HIVEP3: variants seen among roughly 807,000 people sequenced by gnomAD.
HIVEP3 encodes the protein transcription factor HIVEP3.
HIVEP3 carries 49 observed loss-of-function variants against 152.8 expected under a neutral mutation model. That is an observed-to-expected ratio of 0.32 (90% confidence interval 0.26 to 0.41). The LOEUF (loss-of-function observed/expected upper bound fraction) is 0.41. Ranked by LOEUF, HIVEP3 falls within the 10% of genes least tolerant of loss-of-function variation. The pLI is 1.00. For missense variants in HIVEP3, 2,790 were observed against 3,103.3 expected (o/e 0.90, Z 2.40); for synonymous variants, 1,269 against 1,289.0 (o/e 0.98, Z 0.33).
At chr1:41,855,991 T>G (rs1643755188) in intron 1 of HIVEP3, among the ~76,000 whole-genome samples, 1 of 152,160 alleles carries the variant, frequency 6.6e-6, no homozygotes, top group Non-Finnish European at 1.5e-5. Context: ...GTTCAAGTGA[T>G]CCTCCTGCCT....
intron 1 of HIVEP3, among the ~76,000 whole-genome samples, chr1:41,850,411 C>T (rs1173123487): frequency 6.6e-6 from 1 of 152,144 alleles, no homozygotes; most frequent in African/African-American, 2.4e-5. Flanking sequence ...AATCTAACTA[C>T]CTCACTTAAT....
chr1:41,997,393 A>T (rs1266215443), intron 1 of HIVEP3, among the ~76,000 whole-genome samples: 3 of 152,246 alleles, frequency 2.0e-5, no homozygotes, highest in Non-Finnish European at 4.4e-5. Context: ...CAACACGAAC[A>T]TGAAAAGAGA....
chr1:42,023,640 G>T (rs1345927751), intron 1 of HIVEP3, among the ~76,000 whole-genome samples: 3 of 151,934 alleles, frequency 2.0e-5, no homozygotes, highest in Admixed American at 6.6e-5. Flanking sequence ...AAAGTGTGTA[G>T]CACCTCCCGC....
At chr1:41,536,086 G>T (rs1047056159) in intron 5 of HIVEP3, among the ~76,000 whole-genome samples, 1 of 152,140 alleles carries the variant, frequency 6.6e-6, no homozygotes, top group African/African-American at 2.4e-5. Flanking sequence ...TCAAAGAGGG[G>T]TTGTGGTGGA....
intron 1 of HIVEP3, among the ~76,000 whole-genome samples, chr1:41,984,976 T>TA (rs759311454): frequency 3.5e-4 from 50 of 142,348 alleles, no homozygotes; most frequent in Admixed American, 7.0e-4. Context: ...GTCAGAGGAC[T>TA]AAAAAAAAAA....
At chr1:41,954,444 C>G (rs966872655) in intron 1 of HIVEP3, among the ~76,000 whole-genome samples, 3 of 152,258 alleles carry the variant, frequency 2.0e-5, no homozygotes, top group South Asian at 2.1e-4. Context: ...ACATTTCTCT[C>G]TGTCTCTCAT....
intron 1 of HIVEP3, among the ~76,000 whole-genome samples, chr1:41,732,128 C>A (rs1350672099): frequency 6.6e-6 from 1 of 152,050 alleles, no homozygotes; most frequent in African/African-American, 2.4e-5. Context: ...TTTGGATGGG[C>A]TAGACTATGT....
rs1027393990 is a variant in HIVEP3, at chr1:41,544,889, C to T, written c.5208-19979G>A. Among the ~76,000 whole-genome samples the T allele has an allele frequency of 1.2e-4, 10 of 84,426 alleles. 2 individuals carry two copies. The highest frequency in any genetic ancestry group is 3.3e-4 in the Admixed American group (3 of 9,022). The allele number at this position is 84,426 out of a possible 152,430, so 55.4% of individuals were successfully genotyped here. A position where few individuals can be genotyped will look rare whatever the true frequency, so the allele number is the denominator to read the frequency against. On this transcript the variant is annotated intron_variant, in intron 5 of 8. Coordinates refer to ENST00000372583, the MANE Select transcript of HIVEP3 (RefSeq NM_024503.5). ...CCACCACCACCACTACCACCTCTAC[C>T]ACCACCATCACCACCACCACTACCA...
At chr1:41,601,884 T>C (rs888633831) in intron 3 of HIVEP3, among the ~76,000 whole-genome samples, 2 of 152,196 alleles carry the variant, frequency 1.3e-5, no homozygotes, top group Non-Finnish European at 2.9e-5. Flanking sequence ...AAGCTTGTTA[T>C]ATATGGCTTT....
intron 1 of HIVEP3, among the ~76,000 whole-genome samples, chr1:41,917,584 C>T (rs1056279238): frequency 1.1e-4 from 17 of 152,214 alleles, no homozygotes; most frequent in African/African-American, 3.4e-4. Flanking sequence ...AATGCCGAGC[C>T]TCCAAGTTCC....
chr1:41,637,077 T>C (rs1336704626), intron 2 of HIVEP3, among the ~76,000 whole-genome samples: 2 of 152,176 alleles, frequency 1.3e-5, no homozygotes, highest in African/African-American at 4.8e-5. Context: ...TCTCAAATAC[T>C]GCTAGTAGGT....
At chr1:41,738,809 T>C (rs1646954614) in intron 1 of HIVEP3, among the ~76,000 whole-genome samples, 1 of 148,546 alleles carries the variant, frequency 6.7e-6, no homozygotes, top group Non-Finnish European at 1.5e-5. Flanking sequence ...CCACCATAAA[T>C]GCCCGCCTCC....
chr1:41,663,798 C>A (rs1645754666), intron 2 of HIVEP3, among the ~76,000 whole-genome samples: 1 of 152,204 alleles, frequency 6.6e-6, no homozygotes, highest in South Asian at 2.1e-4. Flanking sequence ...TGCAAACCCA[C>A]TGACCAGCTG....
At chr1:42,026,126 T>TC (rs1645580906) in intron 1 of HIVEP3, among the ~76,000 whole-genome samples, 1 of 152,086 alleles carries the variant, frequency 6.6e-6, no homozygotes, top group Admixed American at 6.5e-5. Context: ...AACTTACTTT[T>TC]CCTTTTTTTC....
At chr1:41,645,292 T>A (rs954872729) in intron 2 of HIVEP3, among the ~76,000 whole-genome samples, 4 of 152,156 alleles carry the variant, frequency 2.6e-5, no homozygotes, top group African/African-American at 9.7e-5. Context: ...GCTGACTGCA[T>A]GTGATCTGAC....
Position 41,583,282 on chromosome 1 carries a change from G to A in HIVEP3, c.1516C>T (p.Arg506Trp). 3.7e-6 allele frequency: 6 copies of A among 1,613,134 alleles called. No homozygotes were observed. The highest frequency in any genetic ancestry group is 2.2e-5 in the East Asian group (1 of 44,868). ...TCACTGTGGGATGACAGGGGCTCCC[G>A]GTAGAGGCTGGATTTTGGGGACTCC... The part of the protein sequence containing the change: ...SMESPKSSLY[R>W]EPLSSHSEKT... The change falls in exon 4 of 9, where the codon CGG becomes TGG. Residue 506 changes from arginine (R) to tryptophan (W), a missense_variant. By Grantham distance (101) the Arg-to-Trp change is moderately radical. Around this residue, in one of 9 missense-constraint regions of HIVEP3, gnomAD observed 134 missense variants for 242.5 expected, o/e 0.55. Coordinates refer to ENST00000372583, the MANE Select transcript of HIVEP3 (RefSeq NM_024503.5). This position sits in a 1 kb window ranked among gnomAD's most constrained non-coding sequence, Gnocchi z 6.9.
chr1:41,825,092 CA>C (rs1487357700), intron 1 of HIVEP3, among the ~76,000 whole-genome samples: 2 of 152,014 alleles, frequency 1.3e-5, no homozygotes, highest in Admixed American at 6.6e-5. Flanking sequence ...CACCTGGGTG[CA>C]GGCGGGCTGA....
chr1:41,605,375 GCACACACACA>G (rs57942643), intron 3 of HIVEP3, among the ~76,000 whole-genome samples: 3 of 126,624 alleles, frequency 2.4e-5, no homozygotes, highest in Non-Finnish European at 4.9e-5. Flanking sequence ...ACGCACACGC[GCACACACACA>G]CACACACACA....
rs12026777 is a variant in HIVEP3, at chr1:41,567,928, T to G, written c.5207+7616A>C. On this transcript the variant is annotated intron_variant, in intron 5 of 8. Coordinates refer to ENST00000372583, the MANE Select transcript of HIVEP3 (RefSeq NM_024503.5). ...TTCGCCTTCGTTGTGTCCTTGATCCTTCCTGAGACCCAGAGTCTCAATTCT... is the reference window on the plus strand; with the variant it reads ...TTCGCCTTCGTTGTGTCCTTGATCCGTCCTGAGACCCAGAGTCTCAATTCT... Among the ~76,000 whole-genome samples the G allele has an allele frequency of 3.3e-5, 5 of 152,358 alleles. No individual in the cohort carries two copies. In the East Asian group the frequency reaches 7.7e-4, roughly 24 times the overall value.
Sources: gnomAD v4.1 joint callset for allele counts (sites outside exome capture counted in the v4.1 genomes callset) on GRCh38, gnomAD v4.1.1 for gene constraint, gnomAD v4.1.1 regional missense constraint, Gnocchi (gnomAD v3.1) non-coding constraint, MANE v1.5 for transcripts, NCBI Gene and HGNC (gene_info 2026-07-23, HGNC 2026-07-21) for gene names.